ESR1: variants seen among roughly 807,000 people sequenced by gnomAD.
ESR1 encodes estrogen receptor.
In ESR1, 12 loss-of-function variants were observed where a neutral mutation model predicts 52.7. The observed-to-expected ratio is 0.23, with a 90% CI of 0.15 to 0.37. The LOEUF (loss-of-function observed/expected upper bound fraction) is 0.37, where lower values mean the gene tolerates loss of function less well. Among genes scored for constraint, ESR1 ranks in the 10% least tolerant of loss-of-function variants. The probability of loss-of-function intolerance (pLI) is 1.00; values close to 1 mark genes in which losing one functional copy is unlikely to be tolerated. For synonymous variants in ESR1, 305 were observed against 316.8 expected (o/e 0.96, Z 0.39); for missense variants, 584 against 779.7 (o/e 0.75, Z 2.99).
chr6:151,847,766 T>C (rs1473891128), intron 2 of ESR1, among the ~76,000 whole-genome samples: 8 of 137,156 alleles, frequency 5.8e-5, no homozygotes, highest in Admixed American at 1.5e-4. Context: ...TTGTCAATTT[T>C]GGCTTTTGTT....
At chr6:152,048,443 G>C (rs1219073738) in intron 5 of ESR1, among the ~76,000 whole-genome samples, 1 of 149,710 alleles carries the variant, frequency 6.7e-6, no homozygotes, top group African/African-American at 2.5e-5. Flanking sequence ...AAGTTGCACC[G>C]CTTGTTGTAT....
At chr6:152,065,323 G>C (rs2047881169) in intron 6 of ESR1, among the ~76,000 whole-genome samples, 1 of 152,168 alleles carries the variant, frequency 6.6e-6, no homozygotes, top group Non-Finnish European at 1.5e-5. Flanking sequence ...GTGAATTGCT[G>C]TGGAGTCACA....
chr6:151,820,682 C>G (rs1025500511), intron 1 of ESR1, among the ~76,000 whole-genome samples: 3 of 152,152 alleles, frequency 2.0e-5, no homozygotes, highest in African/African-American at 7.2e-5. Flanking sequence ...ACTTCCTTGT[C>G]TTTATTTTAG....
intron 3 of ESR1, among the ~76,000 whole-genome samples, chr6:151,906,145 T>C (rs992093821): frequency 6.6e-6 from 1 of 152,158 alleles, no homozygotes; most frequent in African/African-American, 2.4e-5. Context: ...TTATAAGAGA[T>C]TAAGAACTAT....
intron 4 of ESR1, among the ~76,000 whole-genome samples, chr6:151,967,585 T>C (rs1434990662): frequency 1.3e-5 from 2 of 152,240 alleles, no homozygotes; most frequent in African/African-American, 2.4e-5. Flanking sequence ...AGTCTGTCAT[T>C]GATGGGCATT....
intron 6 of ESR1, among the ~76,000 whole-genome samples, chr6:152,070,751 C>T (rs1290643466): frequency 7.2e-6 from 1 of 139,230 alleles, no homozygotes; most frequent in East Asian, 2.3e-4. Context: ...TCCCCACCAG[C>T]TTCCACCTCT....
Position 151,939,973 on chromosome 6 carries a change from G to A in ESR1, c.761-4200G>A, listed in dbSNP as rs144232663. On this transcript the variant is annotated intron_variant, in intron 3 of 7. Coordinates refer to ENST00000206249, the MANE Select transcript of ESR1 (RefSeq NM_000125.4). Reference sequence around the variant, plus strand: ...GGGACTTTGGAATTTGGAAAATATCGTTCATTTAGGGTATATATATTAGTC... The same window carrying A: ...GGGACTTTGGAATTTGGAAAATATCATTCATTTAGGGTATATATATTAGTC... Among the ~76,000 whole-genome samples, 829 of 151,976 alleles carry A rather than the reference G, an allele frequency of 5.5e-3. 4 individuals are homozygous for A. The highest frequency in any genetic ancestry group is 9.3e-3 in the Non-Finnish European group (634 of 67,962).
intron 4 of ESR1, among the ~76,000 whole-genome samples, chr6:151,970,887 A>G (rs1230799455): frequency 1.3e-5 from 2 of 152,146 alleles, no homozygotes; most frequent in African/African-American, 2.4e-5. Flanking sequence ...CTTAGATGCT[A>G]TTATGTCTAT....
intron 2 of ESR1, among the ~76,000 whole-genome samples, chr6:151,714,347 T>C (rs1285275458): frequency 6.6e-6 from 1 of 152,210 alleles, no homozygotes; most frequent in Non-Finnish European, 1.5e-5. Context: ...AGATGTCTAT[T>C]AGGTCTGCTT....
Position 152,033,304 on chromosome 6 carries a change from A to C in ESR1, c.1235+21510A>C, listed in dbSNP as rs186255792. Among the ~76,000 whole-genome samples, 134 of 152,348 alleles carry C rather than the reference A, an allele frequency of 8.8e-4. 2 individuals are homozygous for C. The East Asian group carries it at 0.023, about 26-fold the overall frequency. On this transcript the variant is annotated intron_variant, in intron 5 of 7. Coordinates refer to ENST00000206249, the MANE Select transcript of ESR1 (RefSeq NM_000125.4). The stretch of plus-strand genomic sequence containing the variant: ...AAATTGACAAATGGGATCTAATTAA[A>C]CTAAAGAGCTTCTGCACAGCAAAAG...
intron 1 of ESR1, among the ~76,000 whole-genome samples, chr6:151,682,939 G>A (rs1414558903): frequency 6.6e-6 from 1 of 152,210 alleles, no homozygotes; most frequent in East Asian, 1.9e-4. Context: ...CCAAAATTTA[G>A]TTGTGAGGAA....
At chr6:151,771,512 A>G (rs1456990065) in intron 2 of ESR1, among the ~76,000 whole-genome samples, 1 of 152,200 alleles carries the variant, frequency 6.6e-6, no homozygotes, top group Admixed American at 6.5e-5. Flanking sequence ...TTTTGTTGCT[A>G]TTTCACCACT....
intron 3 of ESR1, among the ~76,000 whole-genome samples, chr6:151,908,311 A>G (rs1039475579): frequency 2.0e-5 from 3 of 152,010 alleles, no homozygotes; most frequent in Non-Finnish European, 4.4e-5. Context: ...ACCTGTGTGT[A>G]TTATCATTAT....
intron 2 of ESR1, among the ~76,000 whole-genome samples, chr6:151,738,285 C>A (rs1392880348): frequency 6.6e-6 from 1 of 152,160 alleles, no homozygotes; most frequent in Admixed American, 6.5e-5. Context: ...ATTCTTTTGA[C>A]AAGGGCTTTG....
At chr6:151,989,478 T>A (rs6916218) in intron 4 of ESR1, among the ~76,000 whole-genome samples, 50,488 of 151,338 alleles carry the variant, frequency 0.33, 9,519 homozygotes, top group African/African-American at 0.51. Flanking sequence ...CAAAAGTATT[T>A]AAAAAAATCA....
At chr6:151,816,529 GA>G (rs933111131) in intron 1 of ESR1, among the ~76,000 whole-genome samples, 1 of 152,166 alleles carries the variant, frequency 6.6e-6, no homozygotes, top group Non-Finnish European at 1.5e-5. Flanking sequence ...GAAGGGAATT[GA>G]GTACTATACC....
At chr6:151,672,953 C>T (rs540735952) in intron 1 of ESR1, among the ~76,000 whole-genome samples, 5 of 151,428 alleles carry the variant, frequency 3.3e-5, no homozygotes, top group Admixed American at 2.0e-4. Context: ...CTCAGCCTCC[C>T]GAGTAGCTGG....
At chr6:152,059,183 T>A (rs9383607) in intron 5 of ESR1, among the ~76,000 whole-genome samples, 33,389 of 152,062 alleles carry the variant, frequency 0.22, 5,324 homozygotes, top group African/African-American at 0.44. Flanking sequence ...TATGTGATTA[T>A]CTTTCAATAA....
At chr6:151,974,843 C>T (rs1390256002) in intron 4 of ESR1, among the ~76,000 whole-genome samples, 1 of 152,098 alleles carries the variant, frequency 6.6e-6, no homozygotes. Context: ...TATTTTGCTC[C>T]CTCTCTGACT....
Sources: allele counts gnomAD v4.1 joint callset (sites outside exome capture counted in the v4.1 genomes callset), GRCh38; gene constraint gnomAD v4.1.1; transcripts MANE v1.5; gene names NCBI Gene and HGNC (gene_info 2026-07-23, HGNC 2026-07-21).